ELAVL1: variants seen among roughly 807,000 people sequenced by gnomAD.
The protein encoded by ELAVL1 is ELAV-like protein 1.
Under a neutral mutation model 28.4 loss-of-function variants are expected in ELAVL1, and 1 was observed. The ratio of observed to expected loss-of-function variants is 0.04; its 90% CI spans 0.01 to 0.17. ELAVL1 has a LOEUF of 0.17. Among genes scored for constraint, ELAVL1 ranks in the 10% least tolerant of loss-of-function variants. ELAVL1 has a pLI of 1.00. For missense variants in ELAVL1, 157 were observed against 447.2 expected (o/e 0.35, Z 5.85); for synonymous variants, 174 against 183.5 (o/e 0.95, Z 0.42).
chr19:7,999,686 G>A (rs1416234181), intron 1 of ELAVL1, among the ~76,000 whole-genome samples: 1 of 152,102 alleles, frequency 6.6e-6, no homozygotes, highest in East Asian at 1.9e-4. Flanking sequence ...AGGCTCAGGT[G>A]ATCCTCCCAC....
intron 1 of ELAVL1, among the ~76,000 whole-genome samples, chr19:8,004,827 AAAGG>A (rs1204369495): frequency 1.3e-5 from 2 of 152,184 alleles, no homozygotes; most frequent in Non-Finnish European, 2.9e-5. Flanking sequence ...GAGCACCGGA[AAAGG>A]AAGGAAGGGC....
chr19:7,958,684 C>A lies in ELAVL1; in HGVS notation c.*4799G>T, dbSNP rs1984725255. The A allele has an allele frequency of 6.6e-6, 1 of 152,294 alleles. No homozygotes were observed. The highest frequency in any genetic ancestry group is 2.4e-5 in the African/African-American group (1 of 41,438). The allele number at this position is 152,294 out of a possible 1,614,324, so 9.4% of individuals were successfully genotyped here. On this transcript the variant is annotated 3_prime_UTR_variant, in exon 6 of 6. Coordinates refer to ENST00000407627, the MANE Select transcript of ELAVL1 (RefSeq NM_001419.3). ...CTGTAGAAAGAACTGAGTATCGGGA[C>A]AATTGAGTCGTTGGAACTGTAAGCC...
chr19:7,992,413 G>A (rs1985776234), intron 1 of ELAVL1, among the ~76,000 whole-genome samples: 1 of 152,156 alleles, frequency 6.6e-6, no homozygotes, highest in Non-Finnish European at 1.5e-5. Context: ...CAGCTGCACA[G>A]GGGCATATTT....
rs114056231 is a variant in ELAVL1 at position 7,999,552 on chromosome 19, T to C, written c.-17+5943A>G. Reference sequence around the variant, plus strand: ...AACCTTGAGGGCCCAGGTTATACCATTGCCATCTAAGAGTCCCCAGGCAAA... The same window carrying C: ...AACCTTGAGGGCCCAGGTTATACCACTGCCATCTAAGAGTCCCCAGGCAAA... On this transcript the variant is annotated intron_variant, in intron 1 of 5. Coordinates refer to ENST00000407627, the MANE Select transcript of ELAVL1 (RefSeq NM_001419.3). Among the ~76,000 whole-genome samples the C allele has an allele frequency of 3.4e-3, 525 of 152,286 alleles. 4 individuals carry two copies. The highest frequency in any genetic ancestry group is 0.012 in the African/African-American group (488 of 41,550).
intron 4 of ELAVL1, among the ~76,000 whole-genome samples, chr19:7,970,242 G>A (rs1053474725): frequency 2.0e-5 from 3 of 151,992 alleles, no homozygotes; most frequent in East Asian, 1.9e-4. Flanking sequence ...TGCAACCTCC[G>A]CCTCCCAGGT....
intron 1 of ELAVL1, among the ~76,000 whole-genome samples, chr19:7,996,653 CA>C (rs796175593): frequency 1.1e-4 from 16 of 148,062 alleles, no homozygotes; most frequent in Non-Finnish European, 9.0e-5. Context: ...AAAAATACAA[CA>C]AAAAAAAAAT....
intron 5 of ELAVL1, among the ~76,000 whole-genome samples, chr19:7,965,485 T>C (rs1984933938): frequency 6.6e-6 from 1 of 152,154 alleles, no homozygotes; most frequent in African/African-American, 2.4e-5. Context: ...CCATCCCTTA[T>C]CTCTGGGCTT....
intron 3 of ELAVL1, among the ~76,000 whole-genome samples, chr19:7,978,849 G>C (rs569250418): frequency 6.6e-6 from 1 of 152,318 alleles, no homozygotes; most frequent in Admixed American, 6.5e-5. Flanking sequence ...ACTGGTGTCA[G>C]AATAGAACTG....
chr19:8,000,611 G>A (rs983941070), intron 1 of ELAVL1, among the ~76,000 whole-genome samples: 3 of 152,336 alleles, frequency 2.0e-5, no homozygotes, highest in Middle Eastern at 3.4e-3. Context: ...GAGTCTTCCA[G>A]GTAAAAAAGG....
At chr19:7,976,934 TGCCCCA>T (rs1985314449) in intron 3 of ELAVL1, among the ~76,000 whole-genome samples, 1 of 151,808 alleles carries the variant, frequency 6.6e-6, no homozygotes, top group Non-Finnish European at 1.5e-5. Flanking sequence ...GTGATCCTCC[TGCCCCA>T]GCCTCCCAAA....
chr19:7,984,806 C>T (rs913913237), intron 2 of ELAVL1, among the ~76,000 whole-genome samples: 6 of 152,210 alleles, frequency 3.9e-5, no homozygotes, highest in Non-Finnish European at 7.3e-5. Flanking sequence ...GGGCTTTGTC[C>T]AGCACCTGAC....
Position 7,963,626 on chromosome 19 carries a change from T to G in ELAVL1, c.838A>C (p.Asn280His). The change falls in exon 6 of 6, where the codon AAC becomes CAC. Residue 280 changes from asparagine (N) to histidine (H), a missense_variant. By Grantham distance (68) the Asn-to-His change is moderately conservative. Transcript: ENST00000407627. The surrounding 1 kb of genome is among the most constrained non-coding windows in gnomAD (Gnocchi z 4.5). The stretch of plus-strand genomic sequence containing the variant: ...CCAAACCCTTTGCACTTGTTGGTGT[T>G]GAAGTCGCGGATCACTTTCACATTG... ...VTNVKVIRDF[N>H]TNKCKGFGFV... is the part of the protein sequence containing the mutation. The G allele has an allele frequency of 6.2e-7, 1 of 1,614,274 alleles. No individual in the cohort carries two copies. Among genetic ancestry groups the G allele is most frequent in the Non-Finnish European group, 8.5e-7 (1 of 1,180,046 alleles).
chr19:7,968,344 G>A (rs1472505039), intron 4 of ELAVL1, among the ~76,000 whole-genome samples: 1 of 152,214 alleles, frequency 6.6e-6, no homozygotes, highest in African/African-American at 2.4e-5. Context: ...CTTCATGCCA[G>A]GAGGGAGTAG....
Position 7,997,468 on chromosome 19 carries a change from C to T in ELAVL1, c.-16-5637G>A, listed in dbSNP as rs142487476. On this transcript the variant is annotated intron_variant, in intron 1 of 5. Transcript: ENST00000407627. ...AAAACCATAGGGATGGATCTGTGGT[C>T]GCTGGGGTTAGGGAGTGAGGGGAAA... Among the ~76,000 whole-genome samples, 85 of 152,178 alleles carry T rather than the reference C, an allele frequency of 5.6e-4. No individual in the cohort carries two copies. The East Asian group carries it at 0.011, about 19-fold the overall frequency.
intron 3 of ELAVL1, among the ~76,000 whole-genome samples, chr19:7,980,361 G>GCTTGATAC (rs1985424352): frequency 6.6e-6 from 1 of 152,176 alleles, no homozygotes. Flanking sequence ...CAGGTGGCAG[G>GCTTGATAC]AGCTGCCCAC....
chr19:7,986,044 C>T (rs958950077), intron 2 of ELAVL1, among the ~76,000 whole-genome samples: 2 of 152,250 alleles, frequency 1.3e-5, no homozygotes, highest in African/African-American at 4.8e-5. Context: ...CCAGTGCTCT[C>T]GAACTTCCAA....
At chr19:7,965,632 G>C (rs888124719) in intron 5 of ELAVL1, among the ~76,000 whole-genome samples, 2 of 151,962 alleles carry the variant, frequency 1.3e-5, no homozygotes, top group African/African-American at 4.8e-5. Flanking sequence ...CTTTGTCTTA[G>C]TGGTTGCCCT....
chr19:7,971,142 C>T lies in ELAVL1; in HGVS notation c.430+2583G>A, dbSNP rs141368086. 2.0e-3 allele frequency among the ~76,000 whole-genome samples: 311 copies of T among 152,318 alleles called. 1 individual carries two copies. The highest frequency in any genetic ancestry group is 7.0e-3 in the African/African-American group (291 of 41,554). On this transcript the variant is annotated intron_variant, in intron 4 of 5. Transcript: ENST00000407627. ...TGGGGGCGCAATACTAAGGTGCCCC[C>T]AACACCCTGGGAGACACTATCTTGC...
chr19:7,971,491 C>G (rs902122731), intron 4 of ELAVL1, among the ~76,000 whole-genome samples: 1 of 152,240 alleles, frequency 6.6e-6, no homozygotes, highest in African/African-American at 2.4e-5. Context: ...GGGCAATAAA[C>G]CCACACACTG....
Sources: allele counts gnomAD v4.1 joint callset (sites outside exome capture counted in the v4.1 genomes callset), GRCh38; gene constraint gnomAD v4.1.1; non-coding constraint Gnocchi (gnomAD v3.1); transcripts MANE v1.5; gene names NCBI Gene and HGNC (gene_info 2026-07-23, HGNC 2026-07-21).